Variants in RER1 observed in about 807,000 individuals in gnomAD.
The protein encoded by RER1 is protein RER1.
A neutral mutation model predicts 28.3 loss-of-function variants in RER1; 6 were observed. The ratio of observed to expected loss-of-function variants is 0.21; its 90% CI spans 0.12 to 0.42. RER1 has a LOEUF of 0.42. Among genes scored for constraint, RER1 ranks in the 10% least tolerant of loss-of-function variants. RER1 has a pLI of 1.00. For synonymous variants in RER1, 110 were observed against 95.9 expected (o/e 1.15, Z -0.86); for missense variants, 159 against 252.9 (o/e 0.63, Z 2.52).
intron 1 of RER1, chr1:2,393,892 T>C (rs546268121): frequency 6.6e-6 from 1 of 152,360 alleles, no homozygotes; most frequent in East Asian, 1.9e-4. Flanking sequence ...GTTTTCTACA[T>C]GTTCAGTTGG....
At chr1:2,402,794 C>A (rs1463278543) in intron 6 of RER1, among the ~76,000 whole-genome samples, 2 of 152,226 alleles carry the variant, frequency 1.3e-5, no homozygotes, top group East Asian at 1.9e-4. Flanking sequence ...CTCACATCCC[C>A]CTTGCCCTTC....
chr1:2,401,386 C>G, intron 5 of RER1, among the ~76,000 whole-genome samples: 1 of 51,716 alleles, frequency 1.9e-5, no homozygotes, highest in Non-Finnish European at 3.9e-5. Flanking sequence ...CCCTCCTCCT[C>G]CCTCCTCCTC....
chr1:2,401,670 C>T (rs1030713034), intron 5 of RER1, among the ~76,000 whole-genome samples: 21 of 152,158 alleles, frequency 1.4e-4, no homozygotes, highest in African/African-American at 4.6e-4. Flanking sequence ...CTGCTGAGCT[C>T]GTGGGGCTCC....
At chr1:2,400,560 C>T (rs543698880) in intron 4 of RER1, among the ~76,000 whole-genome samples, 1 of 152,198 alleles carries the variant, frequency 6.6e-6, no homozygotes, top group African/African-American at 2.4e-5. Context: ...CCTTTGTTTT[C>T]TTCTGTGCCT....
chr1:2,401,671 G>A (rs762706114), intron 5 of RER1, among the ~76,000 whole-genome samples: 1 of 152,082 alleles, frequency 6.6e-6, no homozygotes, highest in African/African-American at 2.4e-5. Flanking sequence ...TGCTGAGCTC[G>A]TGGGGCTCCA....
At position 2,402,348 on chromosome 1, in the gene RER1, G is replaced by A; in HGVS notation, c.501+6G>A. 6.2e-7 allele frequency: 1 copy of A among 1,614,034 alleles called. No individual in the cohort carries two copies. Among genetic ancestry groups the A allele is most frequent in the Non-Finnish European group, 8.5e-7 (1 of 1,179,930 alleles). On this transcript the variant is annotated splice_donor_region_variant and intron_variant, in intron 6 of 6. Coordinates refer to ENST00000605895, the MANE Select transcript of RER1 (RefSeq NM_007033.5). ...CGATGAAGAGGCAAATCAAGGTAAA[G>A]CAGAGGCGCTGCCGCCACGCCGGCC...
At chr1:2,401,442 T>C (rs1205030213) in intron 5 of RER1, among the ~76,000 whole-genome samples, 1 of 79,422 alleles carries the variant, frequency 1.3e-5, no homozygotes, top group African/African-American at 5.3e-5. Context: ...TCCCCAGCCT[T>C]GTGGCTCCTT....
chr1:2,402,255 C>A lies in RER1; in HGVS notation c.414C>A (p.Phe138Leu). 6.2e-7 allele frequency: 1 copy of A among 1,614,206 alleles called. No individual in the cohort carries two copies. Among genetic ancestry groups the A allele is most frequent in the Middle Eastern group, 1.6e-4 (1 of 6,062 alleles). The change falls in exon 6 of 7, where the codon TTC becomes TTA. Residue 138 changes from phenylalanine to leucine, a missense_variant. Transcript: ENST00000605895. ...GILVAMVCTF[F>L]DAFNVPVFWP... ...TTGTGGCTATGGTCTGTACTTTCTT[C>A]GACGCTTTCAACGTCCCGGTGTTCT...
In RER1 at chr1:2,399,762, G is replaced by A. The variant is rs187134847; in HGVS notation, c.286+248G>A. 6.6e-3 allele frequency among the ~76,000 whole-genome samples: 1,003 copies of A among 152,310 alleles called. 13 individuals carry two copies. The highest frequency in any genetic ancestry group is 0.029 in the Admixed American group (438 of 15,296). On this transcript the variant is annotated intron_variant, in intron 4 of 6. Coordinates refer to ENST00000605895, the MANE Select transcript of RER1 (RefSeq NM_007033.5). ...ACTGAGGCATACAGGGTTAGGTAAC[G>A]TGTTCGAGGTCACATGGCACCACAG...
At chr1:2,398,454 T>C (rs1642800100) in intron 3 of RER1, among the ~76,000 whole-genome samples, 1 of 152,260 alleles carries the variant, frequency 6.6e-6, no homozygotes, top group African/African-American at 2.4e-5. Context: ...AGTGGCCTGA[T>C]CTTGGCTCAC....
At chr1:2,402,138 C>T (rs1478686660) in intron 5 of RER1, 69 bp from the exon 6 acceptor site, 2 of 1,613,888 alleles carry the variant, frequency 1.2e-6, no homozygotes, top group African/African-American at 1.3e-5. Context: ...AGCTGCAAGG[C>T]TGGAGGCGGC....
At chr1:2,401,212 C>CT (rs200757743) in intron 5 of RER1, among the ~76,000 whole-genome samples, 5 of 128,452 alleles carry the variant, frequency 3.9e-5, no homozygotes, top group Non-Finnish European at 8.5e-5. Flanking sequence ...GTCCTCCCTC[C>CT]TCCTCCCTCC....
At chr1:2,402,898 A>G (rs1642892145) in intron 6 of RER1, 137 bp from the exon 7 acceptor site, 3 of 696,376 alleles carry the variant, frequency 4.3e-6, no homozygotes, top group Admixed American at 4.8e-5. Context: ...ATGTGGGCGC[A>G]GGAAGCCACT....
intron 1 of RER1, chr1:2,394,636 G>T (rs899310435): frequency 6.6e-6 from 1 of 152,250 alleles, no homozygotes; most frequent in African/African-American, 2.4e-5. Context: ...TTCATGTCTG[G>T]TATTTCTTAG....
chr1:2,403,568 G>C lies in RER1; in HGVS notation c.*444G>C. 1 of 183,444 alleles carries C rather than the reference G, an allele frequency of 5.5e-6. No individual in the cohort carries two copies. The highest frequency in any genetic ancestry group is 1.2e-5 in the Non-Finnish European group (1 of 86,278). The allele number at this position is 183,444 out of a possible 1,614,324, so 11.4% of individuals were successfully genotyped here. A position where few individuals can be genotyped will look rare whatever the true frequency, so the allele number is the denominator to read the frequency against. ...GATCTAGCCTGATTCCTGCGTGTCCGAAAGAACTTAACGTTTTAAAGGTGA... is the reference window on the plus strand; with the variant it reads ...GATCTAGCCTGATTCCTGCGTGTCCCAAAGAACTTAACGTTTTAAAGGTGA... On this transcript the variant is annotated 3_prime_UTR_variant, in exon 7 of 7. Transcript: ENST00000605895.
chr1:2,397,099 G>T lies in RER1; in HGVS notation c.82-17G>T. 1 of 1,563,348 alleles carries T rather than the reference G, an allele frequency of 6.4e-7. No homozygotes were observed. Among genetic ancestry groups the T allele is most frequent in the African/African-American group, 1.4e-5 (1 of 73,994 alleles). On this transcript the variant is annotated splice_polypyrimidine_tract_variant and intron_variant, in intron 2 of 6. Transcript: ENST00000605895. Reference sequence around the variant, plus strand: ...TTACAGGACCTGCTTCATGCTTTTGGACTCTTGTCTTTCTAGATTTATCAG... The same window carrying T: ...TTACAGGACCTGCTTCATGCTTTTGTACTCTTGTCTTTCTAGATTTATCAG...
At chr1:2,399,316 A>G in intron 3 of RER1, 99 bp from the exon 4 acceptor site, 1 of 792,710 alleles carries the variant, frequency 1.3e-6, no homozygotes, top group South Asian at 1.4e-5. Context: ...AAGTTAGATC[A>G]GTTAACAAAG....
chr1:2,392,147 T>A (rs1642685353), intron 1 of RER1, among the ~76,000 whole-genome samples, 189 bp downstream of exon 1: 1 of 148,194 alleles, frequency 6.7e-6, no homozygotes. Flanking sequence ...CGCCTCGGGG[T>A]CGGGCCCGGG....
intron 1 of RER1, chr1:2,395,479 G>A (rs10910063): frequency 0.27 from 101,036 of 377,932 alleles, 14,805 homozygotes; most frequent in East Asian, 0.42. Context: ...CCCATGGCCA[G>A]CAAGGCTGCT....
Sources: gnomAD v4.1 joint callset for allele counts (sites outside exome capture counted in the v4.1 genomes callset) on GRCh38, gnomAD v4.1.1 for gene constraint, MANE v1.5 for transcripts, NCBI Gene and HGNC (gene_info 2026-07-23, HGNC 2026-07-21) for gene names.